The following COPG2 variants were observed in gnomAD, a reference collection of about 807,000 sequenced individuals.
COPG2 encodes coat protein complex I subunit gamma 2.
In COPG2, 37 loss-of-function variants were observed where a neutral mutation model predicts 46.3. That is an observed-to-expected ratio of 0.80 (90% CI 0.61 to 1.05). The LOEUF (loss-of-function observed/expected upper bound fraction) is 1.05, where lower values mean the gene tolerates loss of function less well. Among genes scored for constraint, COPG2 ranks in the 50% least tolerant of loss-of-function variants. The pLI is 0.00. For missense variants in COPG2, 427 were observed against 387.8 expected (o/e 1.10, Z -0.85); for synonymous variants, 159 against 129.7 (o/e 1.23, Z -1.53).
intron 20 of COPG2, chr7:130,511,664 T>G: frequency 1.9e-6 from 1 of 514,602 alleles, no homozygotes; most frequent in Admixed American, 2.0e-5. Flanking sequence ...GAGTATGAAA[T>G]AAGAGACTGG....
chr7:130,554,349 A>T, intron 14 of COPG2, 132 bp downstream of exon 14: 1 of 395,286 alleles, frequency 2.5e-6, no homozygotes, highest in Non-Finnish European at 4.5e-6. Flanking sequence ...AAAGAAAGAT[A>T]TCTGGGCCCT....
At chr7:130,546,559 T>G (rs1404621314) in intron 20 of COPG2, among the ~76,000 whole-genome samples, 1 of 152,128 alleles carries the variant, frequency 6.6e-6, no homozygotes, top group Non-Finnish European at 1.5e-5. Context: ...AGAATAGAAG[T>G]AGAGTTCCAC....
chr7:130,587,165 G>T (rs567961642), intron 9 of COPG2, among the ~76,000 whole-genome samples: 1 of 151,838 alleles, frequency 6.6e-6, no homozygotes, highest in African/African-American at 2.4e-5. Flanking sequence ...AAATTAGCCA[G>T]GCATGGTGGC....
intron 12 of COPG2, among the ~76,000 whole-genome samples, chr7:130,556,056 A>G (rs1422749042): frequency 6.6e-6 from 1 of 152,138 alleles, no homozygotes; most frequent in Non-Finnish European, 1.5e-5. Flanking sequence ...CTGAGCCCCA[A>G]TTCCCAAAGT....
intron 20 of COPG2, among the ~76,000 whole-genome samples, chr7:130,527,279 G>A (rs1395204053): frequency 6.6e-6 from 1 of 151,574 alleles, no homozygotes; most frequent in Non-Finnish European, 1.5e-5. Flanking sequence ...AGTAGACAGG[G>A]AGGAGAACAA....
intron 9 of COPG2, chr7:130,610,352 C>G: frequency 3.0e-6 from 1 of 333,000 alleles, no homozygotes; most frequent in Non-Finnish European, 5.9e-6. Flanking sequence ...GTGGCAGATT[C>G]TAGAGATCTT....
At chr7:130,597,682 C>CTA (rs2116474950) in intron 9 of COPG2, among the ~76,000 whole-genome samples, 1 of 152,128 alleles carries the variant, frequency 6.6e-6, no homozygotes, top group East Asian at 1.9e-4. Context: ...AGCCTGTGAG[C>CTA]TATAATAAAA....
At chr7:130,602,683 G>C (rs1363200652) in intron 9 of COPG2, 3 of 152,208 alleles carry the variant, frequency 2.0e-5, no homozygotes, top group Non-Finnish European at 4.4e-5. Flanking sequence ...ATATTGGCCA[G>C]GCTGGTCTCG....
At chr7:130,658,244 T>C (rs1297476421) in intron 4 of COPG2, among the ~76,000 whole-genome samples, 1 of 152,170 alleles carries the variant, frequency 6.6e-6, no homozygotes, top group Non-Finnish European at 1.5e-5. Flanking sequence ...ATAATATGGA[T>C]GAATCTCACA....
intron 9 of COPG2, chr7:130,610,046 G>A (rs1554451795): frequency 1.9e-6 from 1 of 516,536 alleles, no homozygotes; most frequent in Admixed American, 2.0e-5. Flanking sequence ...TTCTATATGT[G>A]GGTCATCTGT....
intron 4 of COPG2, among the ~76,000 whole-genome samples, chr7:130,653,284 C>T (rs527924841): frequency 4.1e-4 from 63 of 152,182 alleles, no homozygotes; most frequent in African/African-American, 1.5e-3. Context: ...GACAGAGTTA[C>T]GCTCTGTTGC....
intron 20 of COPG2, among the ~76,000 whole-genome samples, chr7:130,538,943 T>G (rs1799910105): frequency 6.6e-6 from 1 of 151,594 alleles, no homozygotes; most frequent in Non-Finnish European, 1.5e-5. Context: ...TAGTGGGAGA[T>G]TAGGTCAGTA....
chr7:130,521,138 A>T (rs1799719959), intron 20 of COPG2, among the ~76,000 whole-genome samples: 2 of 152,218 alleles, frequency 1.3e-5, no homozygotes, highest in African/African-American at 4.8e-5. Context: ...CAGGATAATG[A>T]AAATTGCTTG....
At chr7:130,613,678 G>T (rs782460176) in intron 6 of COPG2, 42 bp from the exon 7 acceptor site, 17 of 1,342,496 alleles carry the variant, frequency 1.3e-5, no homozygotes, top group Non-Finnish European at 1.6e-5. Context: ...GGAAAAACAT[G>T]CTTATGCAAA....
Position 130,566,599 on chromosome 7 carries a change from G to A in COPG2, c.738-2206C>T, listed in dbSNP as rs890732571. On this transcript the variant is annotated intron_variant, in intron 9 of 23. Coordinates refer to ENST00000425248, the MANE Select transcript of COPG2 (RefSeq NM_012133.6). ...GTCCAGCATAAGACCTGCAGAGGCG[G>A]GGCACCAGCTTAATGCCAGGGCCCA... Among the ~76,000 whole-genome samples, 159 of 152,330 alleles carry A rather than the reference G, an allele frequency of 1.0e-3. 1 individual carries two copies. The South Asian group carries it at 0.014, about 13-fold the overall frequency.
In COPG2 at chr7:130,646,263, G is replaced by A. The variant is rs554363959; in HGVS notation, c.323+6606C>T. 5.3e-5 allele frequency among the ~76,000 whole-genome samples: 8 copies of A among 152,330 alleles called. No individual in the cohort carries two copies. The East Asian group carries it at 1.5e-3, about 29-fold the overall frequency. On this transcript the variant is annotated intron_variant, in intron 5 of 23. Transcript: ENST00000425248. ...TTAATCATCAGTTTTACAAATTGAT[G>A]TAGATGGTCTGCTGCTGAAGACGAA...
intron 9 of COPG2, among the ~76,000 whole-genome samples, chr7:130,592,634 T>C (rs1432316624): frequency 6.6e-6 from 1 of 152,126 alleles, no homozygotes; most frequent in Non-Finnish European, 1.5e-5. Context: ...TTAAAAAATA[T>C]AGCAAACACG....
intron 4 of COPG2, among the ~76,000 whole-genome samples, chr7:130,661,006 C>T (rs1795967170): frequency 6.6e-6 from 1 of 152,202 alleles, no homozygotes; most frequent in African/African-American, 2.4e-5. Flanking sequence ...AATCCTATCT[C>T]TAAGCCTTCA....
chr7:130,632,103 C>T (rs1167331177), intron 5 of COPG2, among the ~76,000 whole-genome samples: 1 of 152,108 alleles, frequency 6.6e-6, no homozygotes, highest in Non-Finnish European at 1.5e-5. Flanking sequence ...TCCCTTCAGC[C>T]TGAAAAAACT....
Sources: gnomAD v4.1 joint callset for allele counts (sites outside exome capture counted in the v4.1 genomes callset) on GRCh38, gnomAD v4.1.1 for gene constraint, MANE v1.5 for transcripts, NCBI Gene and HGNC (gene_info 2026-07-23, HGNC 2026-07-21) for gene names.